MYO9B: variants seen among roughly 807,000 people sequenced by gnomAD.
MYO9B encodes myosin IXB.
Under a neutral mutation model 229.5 loss-of-function variants are expected in MYO9B, and 71 were observed. The ratio of observed to expected loss-of-function variants is 0.31; its 90% CI spans 0.26 to 0.38. MYO9B has a LOEUF of 0.38. MYO9B is among the 10% of genes least tolerant of loss of function. The pLI is 1.00. For synonymous variants in MYO9B, 1,185 were observed against 1,235.8 expected (o/e 0.96, Z 0.86); for missense variants, 2,255 against 2,920.5 (o/e 0.77, Z 5.25).
chr19:17,162,517 T>G (rs2072615021), intron 9 of MYO9B, 51 bp downstream of exon 9: 1 of 1,450,946 alleles, frequency 6.9e-7, no homozygotes, highest in African/African-American at 1.4e-5. Flanking sequence ...GGCCACATCC[T>G]CACTACCAAT....
chr19:17,128,462 C>T (rs1215929597), intron 2 of MYO9B, among the ~76,000 whole-genome samples: 1 of 152,214 alleles, frequency 6.6e-6, no homozygotes, highest in African/African-American at 2.4e-5. Context: ...TGAAGCACAG[C>T]CCCAGCTCCC....
At chr19:17,124,122 C>T (rs2057992229) in intron 2 of MYO9B, among the ~76,000 whole-genome samples, 2 of 152,094 alleles carry the variant, frequency 1.3e-5, no homozygotes, top group South Asian at 4.1e-4. Context: ...CTTGTGGCCT[C>T]AAGCAATCCT....
rs1182327496 is a variant in MYO9B, at chr19:17,213,198, T to A, written c.*888T>A. On this transcript the variant is annotated 3_prime_UTR_variant, in exon 40 of 40. Transcript: ENST00000682292. The stretch of plus-strand genomic sequence containing the variant: ...GGAGCAGGGCCCTCCTCTCTCAGGC[T>A]TGGCCCACTCCCCCAGACACCTGGA... 6.6e-6 allele frequency: 1 copy of A among 152,316 alleles called. No individual in the cohort carries two copies. Among genetic ancestry groups the A allele is most frequent in the Non-Finnish European group, 1.5e-5 (1 of 68,098 alleles). 9.4% of individuals were successfully genotyped at this position (152,316 alleles called of 1,614,324 possible).
chr19:17,096,846 C>T (rs1015287507), intron 1 of MYO9B, among the ~76,000 whole-genome samples: 7 of 151,036 alleles, frequency 4.6e-5, no homozygotes, highest in African/African-American at 1.7e-4. Context: ...GCTGGGACTA[C>T]AGGCGCCCGC....
At chr19:17,133,224 A>T (rs1037949114) in intron 2 of MYO9B, among the ~76,000 whole-genome samples, 5 of 152,180 alleles carry the variant, frequency 3.3e-5, no homozygotes, top group African/African-American at 1.2e-4. Flanking sequence ...TACATTGTGG[A>T]AAGGGTCAAT....
intron 1 of MYO9B, among the ~76,000 whole-genome samples, chr19:17,087,923 T>C (rs1007713808): frequency 4.2e-5 from 5 of 118,218 alleles, no homozygotes; most frequent in East Asian, 2.4e-4. Flanking sequence ...AGAGCAAAAC[T>C]CCGTCTCAAA....
chr19:17,104,857 T>C (rs1039343809), intron 2 of MYO9B, among the ~76,000 whole-genome samples: 1 of 152,144 alleles, frequency 6.6e-6, no homozygotes, highest in African/African-American at 2.4e-5. Flanking sequence ...TTATTTATAT[T>C]TTGCATTCGT....
chr19:17,181,151 C>G (rs1230734283), intron 15 of MYO9B, 111 bp downstream of exon 15: 1 of 687,486 alleles, frequency 1.5e-6, no homozygotes, highest in Non-Finnish European at 2.5e-6. Context: ...ACTAAAACCA[C>G]AGTGCTGTCT....
chr19:17,079,962 A>G (rs6512163), intron 1 of MYO9B, among the ~76,000 whole-genome samples: 152,322 of 152,328 alleles, frequency 1, 76,158 homozygotes, highest in Non-Finnish European at 1. Context: ...TTCCCTTTCA[A>G]TTTCTATCGT....
chr19:17,183,870 T>TAAA lies in MYO9B; in HGVS notation c.2373+11_2373+13dup, dbSNP rs747998041. The TAAA allele has an allele frequency of 8.2e-7, 1 of 1,216,342 alleles. No homozygotes were observed. The allele number at this position is 1,216,342 out of a possible 1,614,324, so 75.3% of individuals were successfully genotyped here. On this transcript the variant is annotated splice_region_variant and intron_variant, in intron 16 of 39. Coordinates refer to ENST00000682292, the MANE Select transcript of MYO9B (RefSeq NM_004145.4). Reference sequence around the variant, plus strand: ...AAACAAAAGCAGATCATTCCAAAGGTAAAAAAAAAAACACACCCCGCGCGA... The same window carrying TAAA: ...AAACAAAAGCAGATCATTCCAAAGGTAAAAAAAAAAAAAACACACCCCGCGCGA...
chr19:17,194,901 C>T lies in MYO9B; in HGVS notation c.3474C>T (p.His1158=), dbSNP rs754108601. Residue 1158 remains histidine, a synonymous_variant, in exon 22 of 40, where the codon CAC becomes CAT. Coordinates refer to ENST00000682292, the MANE Select transcript of MYO9B (RefSeq NM_004145.4). ...RESRRQRGLE[H]VKFQNKHIQS... is the part of the protein sequence containing the mutation. ...CGCGTCGGCAAAGAGGGCTGGAGCA[C>T]GTCAAGTTCCAGAACAAACACATCC... 48 of 1,613,276 alleles carry T rather than the reference C, an allele frequency of 3.0e-5. No individual in the cohort carries two copies. The highest frequency in any genetic ancestry group is 3.6e-5 in the Non-Finnish European group (43 of 1,179,904).
chr19:17,119,465 G>A (rs2057938940), intron 2 of MYO9B, among the ~76,000 whole-genome samples: 1 of 152,168 alleles, frequency 6.6e-6, no homozygotes, highest in African/African-American at 2.4e-5. Flanking sequence ...TGAGGCAGCA[G>A]GGAGGCCGAG....
intron 2 of MYO9B, among the ~76,000 whole-genome samples, chr19:17,133,382 C>G (rs1446290601): frequency 1.3e-5 from 2 of 152,146 alleles, no homozygotes. Flanking sequence ...TATTCCTCCT[C>G]TCTAATTGAA....
chr19:17,087,199 A>C (rs753280498), intron 1 of MYO9B, among the ~76,000 whole-genome samples: 4 of 152,138 alleles, frequency 2.6e-5, no homozygotes, highest in Non-Finnish European at 5.9e-5. Flanking sequence ...CAGGGCCTGG[A>C]GGGGTGGGCG....
intron 19 of MYO9B, among the ~76,000 whole-genome samples, chr19:17,188,428 CAAA>C (rs1182917762): frequency 1.1e-5 from 1 of 92,552 alleles, no homozygotes; most frequent in Middle Eastern, 5.8e-3. Context: ...GACTCCATCT[CAAA>C]AAAAAAAAAA....
chr19:17,211,873 C>G lies in MYO9B; in HGVS notation c.6059-22C>G. ...CTGCCGGCCCTGAAGCTGCAGTAAC[C>G]CTGCCATCTGTCTCTCAAAAGGGCC... On this transcript the variant is annotated intron_variant, in intron 39 of 39. Coordinates refer to ENST00000682292, the MANE Select transcript of MYO9B (RefSeq NM_004145.4). The G allele has an allele frequency of 1.9e-6, 3 of 1,592,978 alleles. No homozygotes were observed. The South Asian group carries it at 3.4e-5, about 18-fold the overall frequency.
At chr19:17,141,118 A>T (rs1171673639) in intron 2 of MYO9B, among the ~76,000 whole-genome samples, 1 of 151,300 alleles carries the variant, frequency 6.6e-6, no homozygotes. Context: ...AAAAAAAAAA[A>T]AATTGTGTGA....
chr19:17,151,500 A>G (rs1335349303), intron 3 of MYO9B, among the ~76,000 whole-genome samples: 1 of 152,126 alleles, frequency 6.6e-6, no homozygotes, highest in African/African-American at 2.4e-5. Flanking sequence ...CAATAAAAGG[A>G]CCAACACCCA....
intron 2 of MYO9B, among the ~76,000 whole-genome samples, chr19:17,116,822 C>A (rs559599239): frequency 1.3e-5 from 2 of 152,102 alleles, no homozygotes; most frequent in Non-Finnish European, 2.9e-5. Flanking sequence ...GCTGCATTGA[C>A]CCCCAGGTAG....
Sources: allele counts gnomAD v4.1 joint callset (sites outside exome capture counted in the v4.1 genomes callset), GRCh38; gene constraint gnomAD v4.1.1; transcripts MANE v1.5; gene names NCBI Gene and HGNC (gene_info 2026-07-23, HGNC 2026-07-21).